Variants in IQSEC1 observed in about 807,000 individuals in gnomAD.
IQSEC1 encodes the protein IQ motif and SEC7 domain-containing protein 1.
In IQSEC1, 31 loss-of-function variants were observed where a neutral mutation model predicts 91.0. The ratio of observed to expected loss-of-function variants is 0.34; its 90% CI spans 0.26 to 0.46. The LOEUF (loss-of-function observed/expected upper bound fraction) is 0.46. Among genes scored for constraint, IQSEC1 ranks in the 20% least tolerant of loss-of-function variants. The pLI is 1.00. For missense variants in IQSEC1, 1,388 were observed against 1,575.6 expected, an observed-to-expected ratio of 0.88 and a Z score of 2.02; for synonymous variants, 699 against 662.6, an observed-to-expected ratio of 1.05 and a Z score of -0.84.
chr3:13,259,473 G>A lies in IQSEC1; in HGVS notation c.272+23238C>T, dbSNP rs1056869855. On this transcript the variant is annotated intron_variant, in intron 1 of 15. Coordinates refer to the IQSEC1 transcript ENST00000648114. This position sits in a 1 kb window ranked among gnomAD's most constrained non-coding sequence, Gnocchi z 4.6. The stretch of plus-strand genomic sequence containing the variant: ...TGGCGGGTGAGATAGCACTGTCATC[G>A]CCGGCCACGTCCTCATTTCCAGAAG... Among the ~76,000 whole-genome samples the A allele has an allele frequency of 3.3e-5, 5 of 152,056 alleles. No individual in the cohort carries two copies. The highest frequency in any genetic ancestry group is 7.2e-5 in the African/African-American group (3 of 41,412).
intron 1 of IQSEC1, among the ~76,000 whole-genome samples, chr3:13,058,674 T>C (rs895551618): frequency 6.6e-6 from 1 of 152,024 alleles, no homozygotes; most frequent in African/African-American, 2.4e-5. Flanking sequence ...GGTGTGCTGG[T>C]TTCTGGATAA....
At chr3:13,222,657 C>T (rs570736368) in intron 1 of IQSEC1, among the ~76,000 whole-genome samples, 134 of 152,326 alleles carry the variant, frequency 8.8e-4, no homozygotes, top group African/African-American at 3.0e-3. Context: ...TCGCAGCAGA[C>T]GCTGGGGGCC....
Position 13,280,499 on chromosome 3 carries a change from G to A in IQSEC1, c.272+2212C>T, listed in dbSNP as rs115584860. Among the ~76,000 whole-genome samples, 90 of 152,308 alleles carry A rather than the reference G, an allele frequency of 5.9e-4. 1 individual carries two copies. Among genetic ancestry groups the A allele is most frequent in the African/African-American group, 2.2e-3 (90 of 41,560 alleles). On this transcript the variant is annotated intron_variant, in intron 1 of 15. Coordinates refer to the IQSEC1 transcript ENST00000648114. ...CTGTGAGTCTCCTGTGAGGGGAGGA[G>A]ACTCCAGCATTCTCCTTCCCAAAAG...
chr3:13,221,850 C>T (rs1331176102), intron 1 of IQSEC1, among the ~76,000 whole-genome samples: 1 of 152,240 alleles, frequency 6.6e-6, no homozygotes, highest in Non-Finnish European at 1.5e-5. Context: ...ATAAAGGACT[C>T]CAGGGCCTGA....
intron 1 of IQSEC1, among the ~76,000 whole-genome samples, chr3:13,195,839 T>A (rs578011701): frequency 6.6e-6 from 1 of 152,202 alleles, no homozygotes; most frequent in Non-Finnish European, 1.5e-5. Context: ...AACTGGGCAA[T>A]GTGGATAAGA....
At chr3:13,264,942 G>C (rs1695462159) in intron 1 of IQSEC1, among the ~76,000 whole-genome samples, 2 of 151,752 alleles carry the variant, frequency 1.3e-5, no homozygotes, top group Non-Finnish European at 1.5e-5. Flanking sequence ...CTGTCTCTCT[G>C]TGTCTCTCTG....
At chr3:13,279,948 C>T (rs1695757928) in intron 1 of IQSEC1, among the ~76,000 whole-genome samples, 2 of 152,204 alleles carry the variant, frequency 1.3e-5, no homozygotes, top group Non-Finnish European at 2.9e-5. Flanking sequence ...GGTCTCACCC[C>T]CTGCCTGTGC....
chr3:13,241,172 G>A (rs1029842226), intron 1 of IQSEC1, among the ~76,000 whole-genome samples: 4 of 152,276 alleles, frequency 2.6e-5, no homozygotes, highest in Admixed American at 1.3e-4. Context: ...GAATTCCCAC[G>A]ATTGAACTGA....
intron 2 of IQSEC1, among the ~76,000 whole-genome samples, chr3:13,125,103 C>T (rs1044637141): frequency 2.0e-5 from 3 of 152,188 alleles, no homozygotes; most frequent in Non-Finnish European, 2.9e-5. Flanking sequence ...CCCTGGGTAA[C>T]TCTACAGCAT....
At chr3:13,041,333 C>A (rs1199136171) in intron 1 of IQSEC1, among the ~76,000 whole-genome samples, 1 of 152,140 alleles carries the variant, frequency 6.6e-6, no homozygotes, top group Admixed American at 6.5e-5. Context: ...CTCGCTGGCA[C>A]CCTCCCAAGA....
At chr3:13,022,351 G>A in intron 1 of IQSEC1, 1 of 1,180,726 alleles carries the variant, frequency 8.5e-7, no homozygotes, top group Non-Finnish European at 1.0e-6. Context: ...GTCCTGTCTA[G>A]CTGCTCCAGA....
intron 1 of IQSEC1, among the ~76,000 whole-genome samples, chr3:13,048,497 C>T (rs1704576273): frequency 6.6e-6 from 1 of 152,244 alleles, no homozygotes; most frequent in African/African-American, 2.4e-5. Flanking sequence ...TTCTCCCCAC[C>T]TGAGGCCTTA....
At position 13,017,685 on chromosome 3, in the gene IQSEC1, C is replaced by G. The variant is rs572270515; in HGVS notation, c.23+55307G>C. Among the ~76,000 whole-genome samples the G allele has an allele frequency of 3.9e-5, 6 of 152,176 alleles. No individual in the cohort carries two copies. In the East Asian group the frequency reaches 1.2e-3, roughly 29 times the overall value. On this transcript the variant is annotated intron_variant, in intron 1 of 13. Coordinates refer to ENST00000613206, the MANE Select transcript of IQSEC1 (RefSeq NM_001134382.3). ...ACAGAGTAGGTCTTCATCCCCTGAA[C>G]GAAGACTCGATGCAGGGAGAGGGGG...
In IQSEC1 at chr3:13,108,166, C is replaced by T. The variant is rs79850455; in HGVS notation, c.302+55938G>A. Among the ~76,000 whole-genome samples, 709 of 152,332 alleles carry T rather than the reference C, an allele frequency of 4.7e-3. 6 individuals are homozygous for T. Among genetic ancestry groups the T allele is most frequent in the African/African-American group, 0.016 (681 of 41,582 alleles). On this transcript the variant is annotated intron_variant, in intron 2 of 15. Coordinates refer to the IQSEC1 transcript ENST00000648114. ...CTATAGAGTTTTTAGCTTTGCCTTC[C>T]ACTTTGTTCACTGACCATTATTTCA... is the stretch of plus-strand genomic sequence containing the variant.
chr3:13,151,961 C>T lies in IQSEC1; in HGVS notation c.302+12143G>A, dbSNP rs1250172200. Among the ~76,000 whole-genome samples, 3 of 152,006 alleles carry T rather than the reference C, an allele frequency of 2.0e-5. No homozygotes were observed. The East Asian group carries it at 5.8e-4, about 29-fold the overall frequency. On this transcript the variant is annotated intron_variant, in intron 2 of 15. Transcript: ENST00000648114. ...AGGCTGGGTGACAGAAGCGAAACTC[C>T]ATCTCAAAAAAACAAAACAACAACA... is the stretch of plus-strand genomic sequence containing the variant.
At chr3:13,089,506 G>C (rs1576244701) in intron 2 of IQSEC1, among the ~76,000 whole-genome samples, 1 of 152,096 alleles carries the variant, frequency 6.6e-6, no homozygotes, top group East Asian at 1.9e-4. Flanking sequence ...GATCCCTTGA[G>C]CCCAGGAGGT....
intron 2 of IQSEC1, among the ~76,000 whole-genome samples, chr3:13,080,628 C>T (rs1015218293): frequency 2.0e-5 from 3 of 152,062 alleles, no homozygotes; most frequent in African/African-American, 4.8e-5. Flanking sequence ...CAGCAAAAGC[C>T]GCTGCAGGGG....
chr3:12,919,456 C>T (rs1696410251), intron 6 of IQSEC1, among the ~76,000 whole-genome samples: 2 of 152,182 alleles, frequency 1.3e-5, no homozygotes, highest in Admixed American at 6.5e-5. Flanking sequence ...ACAGCGGCAC[C>T]CGCCACCAGG....
intron 1 of IQSEC1, among the ~76,000 whole-genome samples, chr3:13,240,432 C>G (rs1413961637): frequency 2.0e-5 from 3 of 152,048 alleles, no homozygotes; most frequent in Non-Finnish European, 4.4e-5. Context: ...CTCCCCAGGG[C>G]TAGGTGGAGG....
Sources: allele counts gnomAD v4.1 joint callset (sites outside exome capture counted in the v4.1 genomes callset), GRCh38; gene constraint gnomAD v4.1.1; non-coding constraint Gnocchi (gnomAD v3.1); transcripts MANE v1.5; gene names NCBI Gene and HGNC (gene_info 2026-07-23, HGNC 2026-07-21).